RFC3: variants seen among roughly 807,000 people sequenced by gnomAD.
RFC3 encodes the protein replication factor C subunit 3.
In RFC3, 41 loss-of-function variants were observed where a neutral mutation model predicts 45.1. The observed-to-expected ratio is 0.91, with a 90% confidence interval of 0.71 to 1.18. The LOEUF is 1.18. RFC3 is among the 50% of genes most tolerant of loss of function. The probability of loss-of-function intolerance (pLI) is 0.00; values close to 1 mark genes in which losing one functional copy is unlikely to be tolerated. For synonymous variants in RFC3, 149 were observed against 144.0 expected, an observed-to-expected ratio of 1.03 and a Z score of -0.25; for missense variants, 423 against 428.1, an observed-to-expected ratio of 0.99 and a Z score of 0.10.
chr13:33,899,585 CA>C (rs1474020214), intron 8 of RFC3, among the ~76,000 whole-genome samples: 2 of 151,526 alleles, frequency 1.3e-5, no homozygotes, highest in Non-Finnish European at 3.0e-5. Flanking sequence ...TTACTGAATG[CA>C]AAAAATTGAA....
At chr13:33,820,385 C>T (rs1009417828) in intron 1 of RFC3, among the ~76,000 whole-genome samples, 13 of 152,230 alleles carry the variant, frequency 8.5e-5, no homozygotes, top group African/African-American at 3.1e-4. Flanking sequence ...CCCCCATCCA[C>T]TTTTCTAAGC....
At chr13:33,854,632 A>C (rs987939707) in intron 8 of RFC3, among the ~76,000 whole-genome samples, 8 of 152,142 alleles carry the variant, frequency 5.3e-5, no homozygotes, top group African/African-American at 1.9e-4. Flanking sequence ...GTGGCACAGG[A>C]CTAAGAATGG....
At chr13:33,825,684 G>T in intron 3 of RFC3, 105 bp from the exon 4 acceptor site, 1 of 499,222 alleles carries the variant, frequency 2.0e-6, no homozygotes, top group South Asian at 6.6e-5. Context: ...ATAGTTAAGT[G>T]ATATTAATTT....
Position 33,871,842 on chromosome 13 carries a change from C to T in RFC3, c.879+36625C>T, listed in dbSNP as rs199558626. 3.0e-4 allele frequency among the ~76,000 whole-genome samples: 40 copies of T among 134,478 alleles called. No individual in the cohort carries two copies. In the East Asian group the frequency reaches 8.1e-3, roughly 27 times the overall value. 88.2% of individuals were successfully genotyped at this position (134,478 alleles called of 152,430 possible). On this transcript the variant is annotated intron_variant, in intron 8 of 8. Transcript: ENST00000434425. ...CTGACCTCTGGATGAGCAGAAGGGC[C>T]GGTATCCCCACTATTTTACAGATTA...
At chr13:33,904,966 G>C (rs1029685596) in intron 8 of RFC3, among the ~76,000 whole-genome samples, 2 of 152,086 alleles carry the variant, frequency 1.3e-5, no homozygotes, top group African/African-American at 4.8e-5. Flanking sequence ...AAAAACAATG[G>C]AATGATAAAT....
downstream of RFC3, among the ~76,000 whole-genome samples, chr13:33,838,048 T>G (rs1222509794): frequency 6.6e-6 from 1 of 152,100 alleles, no homozygotes; most frequent in Non-Finnish European, 1.5e-5. Flanking sequence ...TAGTTTTTAG[T>G]CTTTCACTGA....
intron 8 of RFC3, among the ~76,000 whole-genome samples, chr13:33,902,586 T>C (rs368487470): frequency 2.0e-5 from 3 of 152,108 alleles, no homozygotes; most frequent in African/African-American, 4.8e-5. Flanking sequence ...TCAGATAGTT[T>C]AGTTGCATAT....
chr13:33,840,077 G>T (rs1039063162), downstream of RFC3, among the ~76,000 whole-genome samples: 1 of 152,080 alleles, frequency 6.6e-6, no homozygotes, highest in African/African-American at 2.4e-5. Context: ...AGTAAGAAGC[G>T]TCTTGGTGCG....
At chr13:33,856,340 TGGA>T (rs2082308834) in intron 8 of RFC3, among the ~76,000 whole-genome samples, 3 of 151,630 alleles carry the variant, frequency 2.0e-5, no homozygotes, top group South Asian at 2.1e-4. Flanking sequence ...CACCAGAAGG[TGGA>T]GGGTGGGAGG....
At chr13:33,833,514 T>C (rs2082122755) in intron 7 of RFC3, among the ~76,000 whole-genome samples, 1 of 152,114 alleles carries the variant, frequency 6.6e-6, no homozygotes, top group Admixed American at 6.5e-5. Context: ...TAGGAAATAA[T>C]GACACAGACA....
chr13:33,963,705 T>C (rs1166411488), intron 8 of RFC3, among the ~76,000 whole-genome samples: 1 of 152,186 alleles, frequency 6.6e-6, no homozygotes, highest in Non-Finnish European at 1.5e-5. Flanking sequence ...CCCTGACTTG[T>C]CTCTGTTCTT....
chr13:33,935,515 G>A (rs1230783612), intron 8 of RFC3, among the ~76,000 whole-genome samples: 1 of 152,136 alleles, frequency 6.6e-6, no homozygotes, highest in Non-Finnish European at 1.5e-5. Context: ...TAAAAATTAG[G>A]CTTTTTTTCT....
intron 8 of RFC3, chr13:33,835,436 G>C (rs770956902): frequency 1.4e-5 from 10 of 703,544 alleles, no homozygotes. Context: ...TTCTAGTGGT[G>C]TGAAAAGGAG....
At chr13:33,874,386 C>T (rs1252532577) in intron 8 of RFC3, among the ~76,000 whole-genome samples, 2 of 152,188 alleles carry the variant, frequency 1.3e-5, no homozygotes, top group Admixed American at 6.5e-5. Context: ...GGTGCAGTCT[C>T]GGCTAACTGC....
chr13:33,944,576 G>A (rs2082943929), intron 8 of RFC3, among the ~76,000 whole-genome samples: 1 of 151,910 alleles, frequency 6.6e-6, no homozygotes, highest in South Asian at 2.1e-4. Flanking sequence ...TTTAAACACG[G>A]GATGAAAATC....
chr13:33,853,171 T>G (rs900529293), intron 8 of RFC3, among the ~76,000 whole-genome samples: 1 of 152,188 alleles, frequency 6.6e-6, no homozygotes, highest in African/African-American at 2.4e-5. Flanking sequence ...TGAAGGCACC[T>G]GCTAACCTTT....
chr13:33,948,276 C>T (rs530874799), intron 8 of RFC3, among the ~76,000 whole-genome samples: 1 of 152,310 alleles, frequency 6.6e-6, no homozygotes, highest in Non-Finnish European at 1.5e-5. Context: ...AGGGTTCAAG[C>T]TTTAAGCCTT....
chr13:33,903,822 A>T (rs2082655957), intron 8 of RFC3, among the ~76,000 whole-genome samples: 1 of 151,946 alleles, frequency 6.6e-6, no homozygotes, highest in Admixed American at 6.6e-5. Flanking sequence ...CTTGGTGATA[A>T]CTCTGATGCT....
chr13:33,943,217 C>G (rs1247069855), intron 8 of RFC3, among the ~76,000 whole-genome samples: 2 of 152,082 alleles, frequency 1.3e-5, no homozygotes, highest in East Asian at 1.9e-4. Context: ...CAGAAATAGA[C>G]CTAGGGTCTC....
Sources: allele counts gnomAD v4.1 joint callset (sites outside exome capture counted in the v4.1 genomes callset), GRCh38; gene constraint gnomAD v4.1.1; transcripts MANE v1.5; gene names NCBI Gene and HGNC (gene_info 2026-07-23, HGNC 2026-07-21).